NRXN3: variants seen among roughly 807,000 people sequenced by gnomAD.
The protein encoded by NRXN3 is neurexin 3, also known as neurexin III.
A neutral mutation model predicts 137.6 loss-of-function variants in NRXN3; 32 were observed. The observed-to-expected ratio is 0.23, with a 90% CI of 0.18 to 0.31. NRXN3 has a LOEUF of 0.31. NRXN3 is among the 10% of genes least tolerant of loss of function. The pLI is 1.00. For missense variants in NRXN3, 1,574 were observed against 2,062.5 expected (o/e 0.76, Z 4.59); for synonymous variants, 798 against 784.5 (o/e 1.02, Z -0.29).
chr14:79,275,366 A>C (rs1447169575), intron 15 of NRXN3, among the ~76,000 whole-genome samples: 1 of 152,176 alleles, frequency 6.6e-6, no homozygotes, highest in Non-Finnish European at 1.5e-5. Flanking sequence ...ACACAGAAAC[A>C]GTCGGTTCTG....
At chr14:79,013,567 C>G (rs560908099) in intron 15 of NRXN3, among the ~76,000 whole-genome samples, 3 of 152,162 alleles carry the variant, frequency 2.0e-5, no homozygotes, top group African/African-American at 7.2e-5. Flanking sequence ...TTAGATTTTA[C>G]CAGTCACCTT....
chr14:78,893,331 T>C (rs2099164649), intron 10 of NRXN3, among the ~76,000 whole-genome samples: 1 of 152,022 alleles, frequency 6.6e-6, no homozygotes, highest in African/African-American at 2.4e-5. Context: ...TTCATTGCTC[T>C]GATCTTTAGT....
intron 10 of NRXN3, among the ~76,000 whole-genome samples, chr14:78,824,085 G>T (rs1202647042): frequency 7.2e-6 from 1 of 138,842 alleles, no homozygotes; most frequent in East Asian, 2.3e-4. Context: ...AGACAATAAA[G>T]AAATGGGTCA....
intron 15 of NRXN3, among the ~76,000 whole-genome samples, chr14:79,358,607 G>GAAAGAAAGAAAGAAAGAA (rs10667477): frequency 3.8e-5 from 3 of 79,944 alleles, no homozygotes; most frequent in East Asian, 7.5e-4. Context: ...AAGAAAGAAA[G>GAAAGAAAGAAAGAAAGAA]AGAAAGAAAG....
Position 79,747,078 on chromosome 14 carries a change from GA to G in NRXN3, c.4014+49144del, listed in dbSNP as rs781451342. The stretch of plus-strand genomic sequence containing the variant: ...GTTGATGCCAAGTTCTGCTAGGGAA[GA>G]AATGAGACTTCAGAGCTCCCTACAA... On this transcript the variant is annotated intron_variant, in intron 19 of 20. Coordinates refer to ENST00000335750, the MANE Select transcript of NRXN3 (RefSeq NM_001330195.2). Among the ~76,000 whole-genome samples the G allele has an allele frequency of 1.1e-3, 163 of 152,202 alleles. 1 individual carries two copies. In the Middle Eastern group the frequency reaches 0.024, roughly 22 times the overall value.
intron 15 of NRXN3, among the ~76,000 whole-genome samples, chr14:79,362,947 G>A (rs1424122515): frequency 6.6e-6 from 1 of 152,072 alleles, no homozygotes; most frequent in Admixed American, 6.5e-5. Context: ...GAGAGTATTT[G>A]CAGATGCATG....
At chr14:78,832,825 T>C (rs2098986126) in intron 10 of NRXN3, among the ~76,000 whole-genome samples, 1 of 152,210 alleles carries the variant, frequency 6.6e-6, no homozygotes, top group Non-Finnish European at 1.5e-5. Context: ...AGAGAACTCA[T>C]CTTGTTATGT....
chr14:79,435,081 T>C (rs1266729227), intron 15 of NRXN3, among the ~76,000 whole-genome samples: 3 of 152,136 alleles, frequency 2.0e-5, no homozygotes, highest in Non-Finnish European at 2.9e-5. Context: ...AGGCCAAAAA[T>C]TGTGGAGCTC....
chr14:79,233,698 C>G (rs948747247), intron 15 of NRXN3, among the ~76,000 whole-genome samples: 4 of 138,916 alleles, frequency 2.9e-5, no homozygotes, highest in African/African-American at 1.2e-4. Context: ...GTGTGTGTGT[C>G]TGTTGATCAG....
chr14:79,227,795 T>TTCCTTCCC (rs1568684986), intron 15 of NRXN3, among the ~76,000 whole-genome samples: 34 of 30,646 alleles, frequency 1.1e-3, no homozygotes, highest in Admixed American at 2.8e-3. Flanking sequence ...CCCTCCTCCC[T>TTCCTTCCC]TCCTCCCTTC....
At chr14:79,334,515 A>G (rs2092085919) in intron 15 of NRXN3, among the ~76,000 whole-genome samples, 2 of 152,232 alleles carry the variant, frequency 1.3e-5, no homozygotes, top group African/African-American at 4.8e-5. Context: ...CCCGCAGGGC[A>G]GGACAGGGGG....
In NRXN3 at chr14:78,243,635, A is replaced by T. The variant is rs1373760140; in HGVS notation, c.542A>T (p.Tyr181Phe). The T allele has an allele frequency of 1.9e-6, 3 of 1,598,390 alleles. No homozygotes were observed. The highest frequency in any genetic ancestry group is 2.2e-5 in the South Asian group (2 of 91,078). ...AAGGGGTTAATTCTGGATCTCAAGT[A>T]TGGAAACTCGGAGCCTCGGCTTCTG... ...GFKGLILDLKYGNSEPRLLGS... is the reference protein window; with the variant it reads ...GFKGLILDLKFGNSEPRLLGS... The change falls in exon 2 of 21, where the codon TAT becomes TTT. Residue 181 changes from tyrosine to phenylalanine, a missense_variant. Coordinates refer to ENST00000335750, the MANE Select transcript of NRXN3 (RefSeq NM_001330195.2). This position sits in a 1 kb window ranked among gnomAD's most constrained non-coding sequence, Gnocchi z 4.2.
intron 4 of NRXN3, among the ~76,000 whole-genome samples, chr14:78,473,263 G>A (rs373035414): frequency 6.6e-5 from 10 of 151,908 alleles, no homozygotes; most frequent in African/African-American, 1.2e-4. Flanking sequence ...TTAGCTGGGC[G>A]TGGTGGCGGG....
chr14:78,385,465 T>C (rs1162867551), intron 4 of NRXN3, among the ~76,000 whole-genome samples: 1 of 152,198 alleles, frequency 6.6e-6, no homozygotes, highest in African/African-American at 2.4e-5. Flanking sequence ...AAAATAGTGT[T>C]CTATTGACTT....
At chr14:79,457,775 T>C (rs1284291727) in intron 15 of NRXN3, among the ~76,000 whole-genome samples, 1 of 152,170 alleles carries the variant, frequency 6.6e-6, no homozygotes, top group Non-Finnish European at 1.5e-5. Flanking sequence ...GTATTGTTTT[T>C]CCAGAGAATA....
At chr14:79,428,022 T>A (rs1200193780) in intron 15 of NRXN3, among the ~76,000 whole-genome samples, 2 of 152,024 alleles carry the variant, frequency 1.3e-5, no homozygotes, top group African/African-American at 4.8e-5. Context: ...TCGATCTGTG[T>A]GTGTTGGTGG....
At chr14:78,973,328 C>T (rs2099450834) in intron 14 of NRXN3, among the ~76,000 whole-genome samples, 1 of 152,088 alleles carries the variant, frequency 6.6e-6, no homozygotes, top group Non-Finnish European at 1.5e-5. Flanking sequence ...AGCCCTTATG[C>T]CTTAAGTTAT....
rs898397475 is a variant in NRXN3, at chr14:78,176,108, G to T, written c.-704+5434G>T. Among the ~76,000 whole-genome samples, 9 of 152,130 alleles carry T rather than the reference G, an allele frequency of 5.9e-5. No individual in the cohort carries two copies. The East Asian group carries it at 1.7e-3, about 29-fold the overall frequency. ...GTTGGAGTTTTCTTCTCTAGCACTT[G>T]TGGCCTGTCTTCTGGGAAGGGTGGA... On this transcript the variant is annotated intron_variant, in intron 1 of 20. Coordinates refer to ENST00000335750, the MANE Select transcript of NRXN3 (RefSeq NM_001330195.2).
intron 20 of NRXN3, among the ~76,000 whole-genome samples, chr14:79,841,629 C>G (rs1449013265): frequency 2.0e-5 from 3 of 152,166 alleles, no homozygotes; most frequent in East Asian, 3.9e-4. Context: ...GATCACCATT[C>G]CCCCATTAAT....
Sources: gnomAD v4.1 joint callset for allele counts (sites outside exome capture counted in the v4.1 genomes callset) on GRCh38, gnomAD v4.1.1 for gene constraint, Gnocchi (gnomAD v3.1) non-coding constraint, MANE v1.5 for transcripts, NCBI Gene and HGNC (gene_info 2026-07-23, HGNC 2026-07-21) for gene names.